The following ZNF562 variants were observed in gnomAD, a reference collection of about 807,000 sequenced individuals.
ZNF562 encodes the protein zinc finger protein 562.
In ZNF562, 13 loss-of-function variants were observed where a neutral mutation model predicts 17.5. The observed-to-expected ratio is 0.74, with a 90% CI of 0.48 to 1.18. The LOEUF is 1.18. Ranked by LOEUF, ZNF562 falls within the 50% of genes most tolerant of loss-of-function variation. ZNF562 has a pLI of 0.00. For missense variants in ZNF562, 481 were observed against 498.5 expected, an observed-to-expected ratio of 0.96 and a Z score of 0.33; for synonymous variants, 163 against 165.4, an observed-to-expected ratio of 0.99 and a Z score of 0.11.
At chr19:9,672,834 C>G (rs1228420986) in intron 1 of ZNF562, among the ~76,000 whole-genome samples, 1 of 141,528 alleles carries the variant, frequency 7.1e-6, no homozygotes, top group Non-Finnish European at 1.5e-5. Context: ...GGCTGGAGGG[C>G]AGTGGCGGGA....
chr19:9,652,959 C>A lies in ZNF562; in HGVS notation c.1271G>T (p.Gly424Val). 2 of 1,494,922 alleles carry A rather than the reference C, an allele frequency of 1.3e-6. No homozygotes were observed. Among genetic ancestry groups the A allele is most frequent in the South Asian group, 3.0e-5 (2 of 67,702 alleles). The allele number at this position is 1,494,922 out of a possible 1,614,324, so 92.6% of individuals were successfully genotyped here. A position where few individuals can be genotyped will look rare whatever the true frequency, so the allele number is the denominator to read the frequency against. The change falls in exon 6 of 6, where the codon GGA becomes GTA. Residue 424 changes from glycine to valine, a missense_variant. Gly to Val is a moderately radical substitution (Grantham distance 109). Transcript: ENST00000453372. ...CCACATATCTTGCATTTACCTTTCT[C>A]CACTGTGAGTTTTCAAATGTTTACT... ...HRSKHLKTHSGER is the reference protein window; with the variant it reads ...HRSKHLKTHSVER
At chr19:9,665,830 C>T (rs1463244187) in intron 1 of ZNF562, among the ~76,000 whole-genome samples, 1 of 151,858 alleles carries the variant, frequency 6.6e-6, no homozygotes, top group Non-Finnish European at 1.5e-5. Context: ...GCCTGGGAAA[C>T]ATGATGAAAA....
chr19:9,644,136 C>G lies in ZNF562; in HGVS notation c.*8813G>C, dbSNP rs1273258329. 6.6e-6 allele frequency: 1 copy of G among 151,900 alleles called. No individual in the cohort carries two copies. Among genetic ancestry groups the G allele is most frequent in the Non-Finnish European group, 1.5e-5 (1 of 67,994 alleles). 9.4% of individuals were successfully genotyped at this position (151,900 alleles called of 1,614,324 possible). On this transcript the variant is annotated 3_prime_UTR_variant, in exon 6 of 6. Coordinates refer to ENST00000453372, the MANE Select transcript of ZNF562 (RefSeq NM_001130031.2). ...ACCAATATTCATTACCAATATAATT[C>G]TGTAGTTTTTAATGACTGTACTGTT... is the stretch of plus-strand genomic sequence containing the variant.
intron 1 of ZNF562, among the ~76,000 whole-genome samples, chr19:9,672,785 T>TC (rs1452648139): frequency 1.3e-4 from 19 of 149,596 alleles, no homozygotes; most frequent in African/African-American, 4.7e-4. Context: ...TTCTTTTTTT[T>TC]TTTTTTTTTT....
At chr19:9,669,323 A>G (rs978890759) in intron 1 of ZNF562, among the ~76,000 whole-genome samples, 2 of 152,206 alleles carry the variant, frequency 1.3e-5, no homozygotes, top group African/African-American at 4.8e-5. Flanking sequence ...AAAAAGACAT[A>G]CAAATGGCCA....
chr19:9,660,826 G>T lies in ZNF562; in HGVS notation c.-82C>A, dbSNP rs528386465. The stretch of plus-strand genomic sequence containing the variant: ...GCCTCAGGGCAGCTTATGAATCTAG[G>T]TGGATACAGGCAATCTCCATTCCCC... On this transcript the variant is annotated 5_prime_UTR_variant, in exon 2 of 6. Transcript: ENST00000453372. 2.8e-6 allele frequency: 4 copies of T among 1,443,614 alleles called. No individual in the cohort carries two copies. The Admixed American group carries it at 5.4e-5, about 19-fold the overall frequency. The allele number at this position is 1,443,614 out of a possible 1,614,324, so 89.4% of individuals were successfully genotyped here.
rs760392700 is a variant in ZNF562 at position 9,656,527 on chromosome 19, G to A, written c.348+20C>T. On this transcript the variant is annotated intron_variant, in intron 5 of 5. Transcript: ENST00000453372. Reference sequence around the variant, plus strand: ...CTCAAAAAACAGAAGAAAAAAATAAGTATCCCTCATGAATCTTACCATTTG... The same window carrying A: ...CTCAAAAAACAGAAGAAAAAAATAAATATCCCTCATGAATCTTACCATTTG... 1.2e-6 allele frequency: 2 copies of A among 1,610,112 alleles called. No individual in the cohort carries two copies. Among genetic ancestry groups the A allele is most frequent in the South Asian group, 1.1e-5 (1 of 90,948 alleles).
At position 9,651,212 on chromosome 19, in the gene ZNF562, A is replaced by G. The variant is rs1266676742; in HGVS notation, c.*1737T>C. The G allele has an allele frequency of 3.9e-5, 6 of 152,140 alleles. No homozygotes were observed. Among genetic ancestry groups the G allele is most frequent in the Non-Finnish European group, 8.8e-5 (6 of 68,022 alleles). 9.4% of individuals were successfully genotyped at this position (152,140 alleles called of 1,614,324 possible). On this transcript the variant is annotated 3_prime_UTR_variant, in exon 6 of 6. Transcript: ENST00000453372. ...TGTGCAAGCTGGAAATAAGGTTGGT[A>G]AGGGTTATTCTGGTGAGGTGTCATT...
In ZNF562 at chr19:9,650,954, C is replaced by CAAAAAAAAAAAAAAAAAAAAAAAAAAA. The variant is rs74178208; in HGVS notation, c.*1968_*1994dup. On this transcript the variant is annotated 3_prime_UTR_variant, in exon 6 of 6. Transcript: ENST00000453372. The stretch of plus-strand genomic sequence containing the variant: ...GGGCAACAAGAGCAAAACTCCATCT[C>CAAAAAAAAAAAAAAAAAAAAAAAAAAA]AAAAAAAAAAAAAAAAAAAAAAAAA... 2 of 46,312 alleles carry CAAAAAAAAAAAAAAAAAAAAAAAAAAA rather than the reference C, an allele frequency of 4.3e-5. No individual in the cohort carries two copies. The highest frequency in any genetic ancestry group is 6.2e-5 in the African/African-American group (1 of 16,046). 2.9% of individuals were successfully genotyped at this position (46,312 alleles called of 1,614,324 possible).
rs764405407 is a variant in ZNF562, at chr19:9,648,592, C to G, written c.*4357G>C. On this transcript the variant is annotated 3_prime_UTR_variant, in exon 6 of 6. Transcript: ENST00000453372. ...TGCTGGGATTACAGGCATAAGCCCC[C>G]ACACCCAGCCTGACCACATTTGTTT... 3 of 152,096 alleles carry G rather than the reference C, an allele frequency of 2.0e-5. 1 individual carries two copies. Among genetic ancestry groups the G allele is most frequent in the Non-Finnish European group, 4.4e-5 (3 of 68,008 alleles). 9.4% of individuals were successfully genotyped at this position (152,096 alleles called of 1,614,324 possible). A position where few individuals can be genotyped will look rare whatever the true frequency, so the allele number is the denominator to read the frequency against.
intron 5 of ZNF562, among the ~76,000 whole-genome samples, chr19:9,654,702 C>A (rs2043393505): frequency 6.6e-6 from 1 of 152,022 alleles, no homozygotes; most frequent in South Asian, 2.1e-4. Context: ...CTGCCTAGGC[C>A]TCCGAAAGTG....
In ZNF562 at chr19:9,653,889, G is replaced by T; in HGVS notation, c.349-8C>A. On this transcript the variant is annotated splice_polypyrimidine_tract_variant and splice_region_variant and intron_variant, in intron 5 of 5. Coordinates refer to ENST00000453372, the MANE Select transcript of ZNF562 (RefSeq NM_001130031.2). ...ACTGTAGCTTCTTGTCTGCTGATGA[G>T]GGGATAAAGGATTTAAAATGTTTTC... 1 of 1,524,776 alleles carries T rather than the reference G, an allele frequency of 6.6e-7. No individual in the cohort carries two copies. Among genetic ancestry groups the T allele is most frequent in the East Asian group, 2.3e-5 (1 of 44,178 alleles). The allele number at this position is 1,524,776 out of a possible 1,614,324, so 94.5% of individuals were successfully genotyped here.
At chr19:9,671,225 T>G (rs536778202) in intron 1 of ZNF562, among the ~76,000 whole-genome samples, 10 of 152,154 alleles carry the variant, frequency 6.6e-5, no homozygotes, top group Non-Finnish European at 1.3e-4. Flanking sequence ...AATTATCACA[T>G]GTACTCTGAA....
intron 1 of ZNF562, among the ~76,000 whole-genome samples, chr19:9,661,867 T>C (rs1450890593): frequency 6.6e-6 from 1 of 152,106 alleles, no homozygotes; most frequent in Non-Finnish European, 1.5e-5. Flanking sequence ...CTCAAACAAG[T>C]GATTCTCCCA....
chr19:9,661,927 A>T (rs970729715), intron 1 of ZNF562, among the ~76,000 whole-genome samples: 2 of 152,076 alleles, frequency 1.3e-5, no homozygotes, highest in Non-Finnish European at 2.9e-5. Flanking sequence ...ACTGGATCTA[A>T]TTTTTTGCAT....
At chr19:9,672,867 C>T (rs186486090) in intron 1 of ZNF562, among the ~76,000 whole-genome samples, 2 of 151,100 alleles carry the variant, frequency 1.3e-5, no homozygotes, top group African/African-American at 4.9e-5. Flanking sequence ...GCAACCTCCG[C>T]CTCCCGGGTT....
At chr19:9,668,267 CAA>C (rs1568279875) in intron 1 of ZNF562, among the ~76,000 whole-genome samples, 1 of 151,930 alleles carries the variant, frequency 6.6e-6, no homozygotes, top group African/African-American at 2.4e-5. Flanking sequence ...CCCAGCTACT[CAA>C]AAGAGACTGA....
chr19:9,656,602 C>T lies in ZNF562; in HGVS notation c.293G>A (p.Arg98Gln), dbSNP rs200723015. ...SEWEIQPRTKRSSLQQGFLKN... is the reference protein window; with the variant it reads ...SEWEIQPRTKQSSLQQGFLKN... ...CAAAAAACCCTGCTGAAGTGATGAC[C>T]GTTTGGTTCTAGGTTGTATTTCCCA... is the stretch of plus-strand genomic sequence containing the variant. Residue 98 changes from arginine to glutamine, a missense_variant, in exon 5 of 6, where the codon CGG becomes CAG. Physicochemically the swap from Arg to Gln is conservative, Grantham distance 43. Transcript: ENST00000453372. 13 of 1,613,798 alleles carry T rather than the reference C, an allele frequency of 8.1e-6. No homozygotes were observed. The Admixed American group carries it at 1.3e-4, about 17-fold the overall frequency.
chr19:9,659,391 T>G lies in ZNF562; in HGVS notation c.102A>C (p.Ser34=). 6.4e-7 allele frequency: 1 copy of G among 1,551,424 alleles called. No individual in the cohort carries two copies. The highest frequency in any genetic ancestry group is 1.4e-5 in the African/African-American group (1 of 73,160). The change falls in exon 3 of 6, where the codon TCA becomes TCC. Residue 34 remains serine, a synonymous_variant. Coordinates refer to ENST00000453372, the MANE Select transcript of ZNF562 (RefSeq NM_001130031.2). ...ATTTTCTGTTTACCTGGTAAGAATT[T>G]GACCGGTGGTCCTCTACCATCGTTC... ...KIGTMVEDHR[S]NSYQDSVTFD...
Sources: allele counts gnomAD v4.1 joint callset (sites outside exome capture counted in the v4.1 genomes callset), GRCh38; gene constraint gnomAD v4.1.1; transcripts MANE v1.5; gene names NCBI Gene and HGNC (gene_info 2026-07-23, HGNC 2026-07-21).